PBRM1: variants seen among roughly 807,000 people sequenced by gnomAD.
The protein encoded by PBRM1 is protein polybromo-1.
A neutral mutation model predicts 194.5 loss-of-function variants in PBRM1; 27 were observed. The observed-to-expected ratio is 0.14, with a 90% CI of 0.10 to 0.19. The LOEUF (loss-of-function observed/expected upper bound fraction) is 0.19, where lower values mean the gene tolerates loss of function less well. PBRM1 is among the 10% of genes least tolerant of loss of function. The pLI is 1.00. For synonymous variants in PBRM1, 655 were observed against 693.2 expected, an observed-to-expected ratio of 0.94 and a Z score of 0.87; for missense variants, 1,466 against 2,077.2, an observed-to-expected ratio of 0.71 and a Z score of 5.72.
intron 2 of PBRM1, among the ~76,000 whole-genome samples, chr3:52,674,627 CAAAAA>C (rs869059650): frequency 2.4e-4 from 26 of 109,082 alleles, no homozygotes; most frequent in Non-Finnish European, 3.7e-4. Context: ...CTGTCTCTAC[CAAAAA>C]AAAAAAAAAA....
At chr3:52,647,121 G>A (rs556879926) in intron 7 of PBRM1, among the ~76,000 whole-genome samples, 11 of 152,060 alleles carry the variant, frequency 7.2e-5, no homozygotes, top group African/African-American at 2.4e-4. Context: ...AAAGACGTAT[G>A]AATGACCTAA....
chr3:52,645,689 T>G (rs1182943434), intron 7 of PBRM1, among the ~76,000 whole-genome samples: 1 of 151,516 alleles, frequency 6.6e-6, no homozygotes, highest in African/African-American at 2.4e-5. Context: ...ATAACCGAGA[T>G]GGCTACACAG....
intron 6 of PBRM1, among the ~76,000 whole-genome samples, chr3:52,650,615 C>G (rs2096464128): frequency 6.6e-6 from 1 of 152,160 alleles, no homozygotes; most frequent in South Asian, 2.1e-4. Flanking sequence ...GCAGCAAACC[C>G]TTCTTATCCT....
upstream of PBRM1, chr3:52,682,140 C>A (rs1482864194): frequency 6.6e-6 from 1 of 152,134 alleles, no homozygotes; most frequent in Non-Finnish European, 1.5e-5. Context: ...TGCCCAACTG[C>A]CCCCTAGTCA....
chr3:52,582,169 G>A (rs2091386278), intron 20 of PBRM1, among the ~76,000 whole-genome samples: 1 of 147,484 alleles, frequency 6.8e-6, no homozygotes, highest in Non-Finnish European at 1.5e-5. Flanking sequence ...TTGAACCTGG[G>A]AAGTGGAGGC....
rs12639353 is a variant in PBRM1, at chr3:52,671,286, A to C, written c.237-2641T>G. Among the ~76,000 whole-genome samples, 96 of 152,356 alleles carry C rather than the reference A, an allele frequency of 6.3e-4. No homozygotes were observed. The East Asian group carries it at 8.9e-3, about 14-fold the overall frequency. On this transcript the variant is annotated intron_variant, in intron 2 of 29. Transcript: ENST00000296302. ...AATTCTCATAAATACTTGAGAAAAA[A>C]ACATACATTCCACAGAGGAGCGTCA... is the stretch of plus-strand genomic sequence containing the variant.
chr3:52,598,203 A>G (rs2093714154), intron 17 of PBRM1, among the ~76,000 whole-genome samples: 1 of 152,262 alleles, frequency 6.6e-6, no homozygotes, highest in Non-Finnish European at 1.5e-5. Context: ...CATATAATAC[A>G]AAACAGTTAT....
At chr3:52,628,798 T>G in intron 12 of PBRM1, 96 bp downstream of exon 13, 3 of 1,077,412 alleles carry the variant, frequency 2.8e-6, no homozygotes, top group South Asian at 2.5e-5. Context: ...CTGCTGAGGG[T>G]GGGGGGGATC....
chr3:52,639,292 T>C (rs1359206344), intron 10 of PBRM1, among the ~76,000 whole-genome samples: 1 of 152,180 alleles, frequency 6.6e-6, no homozygotes, highest in Non-Finnish European at 1.5e-5. Context: ...ACACATTCTT[T>C]TTTAAAACTC....
chr3:52,562,021 G>T, intron 24 of PBRM1, 53 bp from the exon 27 acceptor site: 1 of 1,465,016 alleles, frequency 6.8e-7, no homozygotes, highest in Non-Finnish European at 9.6e-7. Context: ...TTGGTTAACT[G>T]CTCAAAATTT....
intron 20 of PBRM1, among the ~76,000 whole-genome samples, chr3:52,579,531 G>A (rs552973639): frequency 2.0e-5 from 3 of 152,208 alleles, no homozygotes; most frequent in South Asian, 4.1e-4. Context: ...TCAGGAGGTC[G>A]AGGCTACAGT....
intron 6 of PBRM1, among the ~76,000 whole-genome samples, chr3:52,651,330 C>T (rs941996479): frequency 1.3e-5 from 2 of 152,088 alleles, no homozygotes; most frequent in African/African-American, 4.8e-5. Flanking sequence ...TTTATTCTAA[C>T]GTATCCTAAA....
chr3:52,558,203 G>A (rs896307319), intron 26 of PBRM1, 46 bp downstream of exon 28: 1 of 1,392,378 alleles, frequency 7.2e-7, no homozygotes, highest in African/African-American at 1.5e-5. Context: ...AAAAAATGAA[G>A]GAATTTCTTA....
At chr3:52,563,658 G>C (rs539398686) in intron 23 of PBRM1, among the ~76,000 whole-genome samples, 165 bp from the exon 26 acceptor site, 2 of 151,650 alleles carry the variant, frequency 1.3e-5, no homozygotes, top group East Asian at 3.9e-4. Flanking sequence ...GAAATTACTT[G>C]TACTTAGAGA....
intron 22 of PBRM1, among the ~76,000 whole-genome samples, chr3:52,567,637 T>G (rs1341201040): frequency 6.6e-6 from 1 of 151,110 alleles, no homozygotes; most frequent in Non-Finnish European, 1.5e-5. Flanking sequence ...CTGGGTAGCT[T>G]TAACTAGCAT....
intron 20 of PBRM1, among the ~76,000 whole-genome samples, chr3:52,581,762 C>T (rs1209261504): frequency 4.0e-5 from 6 of 151,798 alleles, no homozygotes; most frequent in South Asian, 2.1e-4. Flanking sequence ...CTCAACCTCC[C>T]GAGAAGCTGA....
chr3:52,576,501 T>G lies in PBRM1; in HGVS notation c.3691+40A>C, dbSNP rs573249521. On this transcript the variant is annotated intron_variant, in intron 22 of 29. Coordinates refer to ENST00000296302, the Ensembl canonical transcript of PBRM1. ...AGAAGTAGTATTCCATCAATTTTGA[T>G]GGAATAAACACGATTAAATAAAAAA... The G allele has an allele frequency of 4.3e-5, 65 of 1,521,704 alleles. 1 individual carries two copies. The South Asian group carries it at 7.5e-4, about 18-fold the overall frequency. 94.3% of individuals were successfully genotyped at this position (1,521,704 alleles called of 1,614,324 possible).
At chr3:52,574,485 G>A (rs752083190) in intron 22 of PBRM1, among the ~76,000 whole-genome samples, 2 of 152,148 alleles carry the variant, frequency 1.3e-5, no homozygotes, top group Non-Finnish European at 2.9e-5. Flanking sequence ...GGGGCAAAGG[G>A]TATCAGTCAG....
chr3:52,580,037 T>G (rs1320210980), intron 20 of PBRM1, among the ~76,000 whole-genome samples: 1 of 152,114 alleles, frequency 6.6e-6, no homozygotes, highest in Admixed American at 6.5e-5. Flanking sequence ...AGCCAGGAGT[T>G]CAAGACCAGC....
Sources: gnomAD v4.1 joint callset for allele counts (sites outside exome capture counted in the v4.1 genomes callset) on GRCh38, gnomAD v4.1.1 for gene constraint, MANE v1.5 for transcripts, NCBI Gene and HGNC (gene_info 2026-07-23, HGNC 2026-07-21) for gene names.